The following CSGALNACT1 variants were observed in gnomAD, a reference collection of about 807,000 sequenced individuals.
CSGALNACT1 encodes beta4GalNAcT-1.
A neutral mutation model predicts 51.0 loss-of-function variants in CSGALNACT1; 52 were observed. That is an observed-to-expected ratio of 1.02 (90% CI 0.82 to 1.29). CSGALNACT1 has a LOEUF of 1.29. Among genes scored for constraint, CSGALNACT1 ranks in the 50% most tolerant of loss-of-function variants. The pLI, the probability that CSGALNACT1 is intolerant of heterozygous loss-of-function variation, is 0.00. For synonymous variants in CSGALNACT1, 341 were observed against 254.4 expected (o/e 1.34, Z -3.24); for missense variants, 935 against 679.2 (o/e 1.38, Z -4.19).
intron 1 of CSGALNACT1, among the ~76,000 whole-genome samples, chr8:19,629,261 G>A (rs533840887): frequency 6.6e-6 from 1 of 152,304 alleles, no homozygotes; most frequent in Admixed American, 6.5e-5. Flanking sequence ...GACAAAAGTA[G>A]GACAGATTAG....
upstream of CSGALNACT1, among the ~76,000 whole-genome samples, chr8:19,604,010 C>T (rs115993419): frequency 2.0e-5 from 3 of 152,200 alleles, no homozygotes; most frequent in East Asian, 5.8e-4. Flanking sequence ...TTCGGAGCCA[C>T]GGCATGGCTC....
chr8:19,679,757 G>A (rs963259273), intron 1 of CSGALNACT1, among the ~76,000 whole-genome samples: 13 of 152,058 alleles, frequency 8.5e-5, no homozygotes, highest in African/African-American at 2.4e-4. Flanking sequence ...TTATGAAAAC[G>A]CCACTCTTAG....
At chr8:19,652,661 C>A (rs2057918208) in intron 1 of CSGALNACT1, among the ~76,000 whole-genome samples, 1 of 152,216 alleles carries the variant, frequency 6.6e-6, no homozygotes, top group Non-Finnish European at 1.5e-5. Context: ...CCTCTATTTA[C>A]AGTAGACTTT....
At chr8:19,458,472 G>C (rs200686829) in exon 5 of CSGALNACT1, 1 of 1,614,158 alleles carries the variant, frequency 6.2e-7, no homozygotes, top group Non-Finnish European at 8.5e-7. Flanking sequence ...CTTTTTGCTA[G>C]AGGCACGATA....
intron 1 of CSGALNACT1, among the ~76,000 whole-genome samples, chr8:19,738,615 G>A (rs2064129317): frequency 6.6e-6 from 1 of 151,886 alleles, no homozygotes; most frequent in South Asian, 2.1e-4. Flanking sequence ...ACCTAAAAAT[G>A]GTAAAAATAA....
chr8:19,563,359 C>A lies in CSGALNACT1; in HGVS notation c.-297+27801G>T, dbSNP rs1001716157. Among the ~76,000 whole-genome samples, 6 of 152,122 alleles carry A rather than the reference C, an allele frequency of 3.9e-5. 1 individual carries two copies. Among genetic ancestry groups the A allele is most frequent in the Admixed American group, 3.9e-4 (6 of 15,270 alleles). On this transcript the variant is annotated intron_variant, in intron 3 of 9. Transcript: ENST00000454498. ...TACTTAGGTGATGGGTTGACAGGTG[C>A]AGCAAACCACTATGACACACATTGA...
intron 3 of CSGALNACT1, among the ~76,000 whole-genome samples, chr8:19,564,802 C>T (rs2041567724): frequency 6.6e-6 from 1 of 152,218 alleles, no homozygotes; most frequent in Non-Finnish European, 1.5e-5. Flanking sequence ...TTTTAATTGG[C>T]TACCTTGCCC....
rs567327392 is a variant in CSGALNACT1 at position 19,542,741 on chromosome 8, AT to A, written c.-296-36612del. Among the ~76,000 whole-genome samples the A allele has an allele frequency of 1.4e-3, 213 of 150,958 alleles. 1 individual carries two copies. Among genetic ancestry groups the A allele is most frequent in the African/African-American group, 4.0e-3 (164 of 41,274 alleles). On this transcript the variant is annotated intron_variant, in intron 3 of 9. Transcript: ENST00000454498. ...TAATTCATCTATCCAAAACCCCATCATTTTTTTTTAGGATAGCTGTCACGCA... is the reference window on the plus strand; with the variant it reads ...TAATTCATCTATCCAAAACCCCATCATTTTTTTTAGGATAGCTGTCACGCA...
At chr8:19,661,386 G>C (rs1354066212) in intron 1 of CSGALNACT1, among the ~76,000 whole-genome samples, 2 of 152,170 alleles carry the variant, frequency 1.3e-5, no homozygotes, top group African/African-American at 4.8e-5. Flanking sequence ...AAAGTCCTAA[G>C]TTCTCCTGCA....
intron 1 of CSGALNACT1, among the ~76,000 whole-genome samples, chr8:19,651,921 T>C (rs1485119498): frequency 4.5e-5 from 5 of 111,394 alleles, no homozygotes; most frequent in Non-Finnish European, 1.1e-4. Flanking sequence ...GTCTGTTTTT[T>C]TTTGTTTTGT....
intron 4 of CSGALNACT1, among the ~76,000 whole-genome samples, chr8:19,498,636 A>C (rs1401501261): frequency 6.6e-6 from 1 of 151,992 alleles, no homozygotes; most frequent in East Asian, 1.9e-4. Flanking sequence ...CTCACACAGA[A>C]CACATGTCCT....
chr8:19,405,107 G>C (rs2053890444), exon 10 of CSGALNACT1: 1 of 453,272 alleles, frequency 2.2e-6, no homozygotes, highest in Admixed American at 2.4e-5. Flanking sequence ...CTTGCAAAGT[G>C]GTAATTAAAT....
At chr8:19,456,098 C>T (rs191277925) in intron 5 of CSGALNACT1, among the ~76,000 whole-genome samples, 192 of 152,288 alleles carry the variant, frequency 1.3e-3, no homozygotes, top group Admixed American at 1.6e-3. Context: ...TCATTTCACC[C>T]GTTTTGAGGC....
chr8:19,596,739 T>C (rs967992462), intron 2 of CSGALNACT1, among the ~76,000 whole-genome samples: 8 of 152,180 alleles, frequency 5.3e-5, no homozygotes, highest in Admixed American at 4.6e-4. Context: ...CCATGAACTC[T>C]AAAAAATCTA....
At chr8:19,579,815 A>G (rs948355863) in intron 3 of CSGALNACT1, among the ~76,000 whole-genome samples, 24 of 152,264 alleles carry the variant, frequency 1.6e-4, no homozygotes, top group African/African-American at 5.8e-4. Flanking sequence ...TATGTATTGC[A>G]GTCATGGAAA....
chr8:19,593,174 A>T (rs2048192944), intron 2 of CSGALNACT1, among the ~76,000 whole-genome samples: 1 of 152,234 alleles, frequency 6.6e-6, no homozygotes, highest in Non-Finnish European at 1.5e-5. Flanking sequence ...TATCAGAAAT[A>T]CGTGGGCTTA....
intron 3 of CSGALNACT1, among the ~76,000 whole-genome samples, chr8:19,541,907 T>G (rs1466757524): frequency 6.6e-6 from 1 of 152,176 alleles, no homozygotes; most frequent in African/African-American, 2.4e-5. Context: ...TGTCAAATAT[T>G]GCTCCTGGCA....
intron 1 of CSGALNACT1, among the ~76,000 whole-genome samples, chr8:19,631,275 C>A (rs956537850): frequency 6.6e-6 from 1 of 152,050 alleles, no homozygotes; most frequent in African/African-American, 2.4e-5. Flanking sequence ...AAAAAAACTG[C>A]CAAACTGTCT....
intron 4 of CSGALNACT1, among the ~76,000 whole-genome samples, chr8:19,469,307 C>T (rs1484903380): frequency 6.6e-6 from 1 of 152,158 alleles, no homozygotes; most frequent in Non-Finnish European, 1.5e-5. Flanking sequence ...ATGAGGATCC[C>T]TTGAGCCCAG....
Sources: gnomAD v4.1 joint callset for allele counts (sites outside exome capture counted in the v4.1 genomes callset) on GRCh38, gnomAD v4.1.1 for gene constraint, MANE v1.5 for transcripts, NCBI Gene and HGNC (gene_info 2026-07-23, HGNC 2026-07-21) for gene names.